RALGPS1: variants seen among roughly 807,000 people sequenced by gnomAD.
RALGPS1 encodes the protein Ral GEF with PH domain and SH3 binding motif 1.
Under a neutral mutation model 78.8 loss-of-function variants are expected in RALGPS1, and 19 were observed. The observed-to-expected ratio is 0.24, with a 90% CI of 0.17 to 0.35. The LOEUF is 0.35. RALGPS1 is among the 10% of genes least tolerant of loss of function. RALGPS1 has a pLI of 1.00. For missense variants in RALGPS1, 454 were observed against 688.3 expected, an observed-to-expected ratio of 0.66 and a Z score of 3.81; for synonymous variants, 228 against 256.3, an observed-to-expected ratio of 0.89 and a Z score of 1.06.
At chr9:126,928,954 G>A (rs2035558230) in intron 1 of RALGPS1, among the ~76,000 whole-genome samples, 1 of 151,968 alleles carries the variant, frequency 6.6e-6, no homozygotes. Context: ...AACCTCTTTG[G>A]GCCTCAGTTT....
At chr9:126,917,355 G>A (rs1211525690) in intron 1 of RALGPS1, among the ~76,000 whole-genome samples, 12 of 152,216 alleles carry the variant, frequency 7.9e-5, no homozygotes, top group Admixed American at 7.9e-4. Flanking sequence ...TAGAACATGT[G>A]TTGAATAATG....
At chr9:127,028,465 G>A (rs2046145936) in intron 4 of RALGPS1, among the ~76,000 whole-genome samples, 1 of 152,264 alleles carries the variant, frequency 6.6e-6, no homozygotes, top group Non-Finnish European at 1.5e-5. Context: ...GGAGTGTGTA[G>A]CACAGTTCCT....
intron 8 of RALGPS1, among the ~76,000 whole-genome samples, chr9:127,129,442 G>C (rs1204295847): frequency 2.0e-5 from 3 of 147,882 alleles, no homozygotes; most frequent in Non-Finnish European, 4.4e-5. Flanking sequence ...TATAGTCAGT[G>C]GGGGGGGATT....
chr9:127,024,786 G>T (rs971722695), intron 4 of RALGPS1, among the ~76,000 whole-genome samples: 4 of 152,068 alleles, frequency 2.6e-5, no homozygotes, highest in African/African-American at 9.7e-5. Context: ...TTCCCCAGAG[G>T]CTTCCCTTCA....
At chr9:127,086,179 ATCTC>A (rs1168540459) in intron 8 of RALGPS1, among the ~76,000 whole-genome samples, 2 of 152,180 alleles carry the variant, frequency 1.3e-5, no homozygotes, top group East Asian at 1.9e-4. Context: ...GTATCAGTGC[ATCTC>A]TCTCTAACTG....
chr9:126,967,799 A>G lies in RALGPS1; in HGVS notation c.165+1848A>G, dbSNP rs566448433. ...GTGATCCTTCCACCTCAGCCTCCCA[A>G]AGTGCTGGGATTGCAGGTGTGAGTC... On this transcript the variant is annotated intron_variant, in intron 3 of 18. Transcript: ENST00000259351. Among the ~76,000 whole-genome samples the G allele has an allele frequency of 9.2e-5, 14 of 152,138 alleles. No individual in the cohort carries two copies. In the East Asian group the frequency reaches 2.5e-3, roughly 27 times the overall value.
Position 127,218,683 on chromosome 9 carries a change from CCCCTTGT to C in RALGPS1, c.1645-54_1645-48del, listed in dbSNP as rs1564817768. 3 of 1,569,590 alleles carry C rather than the reference CCCCTTGT, an allele frequency of 1.9e-6. No homozygotes were observed. In the African/African-American group the frequency reaches 4.1e-5, roughly 21 times the overall value. ...CTGTCCCTTCCCCTAGGGACCACCA[CCCCTTGT>C]CCTTCTCTGAGGTCGGAACTTTAAC... is the stretch of plus-strand genomic sequence containing the variant. On this transcript the variant is annotated intron_variant, in intron 18 of 18. Coordinates refer to ENST00000259351, the MANE Select transcript of RALGPS1 (RefSeq NM_014636.3). This position sits in a 1 kb window ranked among gnomAD's most constrained non-coding sequence, Gnocchi z 4.4.
Position 127,200,650 on chromosome 9 carries a change from C to T in RALGPS1, c.1247+1584C>T, listed in dbSNP as rs149200368. On this transcript the variant is annotated intron_variant, in intron 14 of 18. Coordinates refer to ENST00000259351, the MANE Select transcript of RALGPS1 (RefSeq NM_014636.3). The stretch of plus-strand genomic sequence containing the variant: ...TCAGAGGCTCTCTCTTTCCCCTCCC[C>T]GGCCATCTGGGTTGCTCAGGCAAAT... Among the ~76,000 whole-genome samples, 385 of 152,364 alleles carry T rather than the reference C, an allele frequency of 2.5e-3. 1 individual carries two copies. The highest frequency in any genetic ancestry group is 3.9e-3 in the Non-Finnish European group (267 of 68,036).
At chr9:127,164,571 G>T (rs1305997590) in intron 8 of RALGPS1, among the ~76,000 whole-genome samples, 3 of 98,958 alleles carry the variant, frequency 3.0e-5, no homozygotes, top group African/African-American at 4.0e-5. Context: ...ACAGAGTCTT[G>T]CTCTGTCACC....
intron 7 of RALGPS1, among the ~76,000 whole-genome samples, chr9:127,056,648 T>C (rs1390743597): frequency 2.0e-5 from 3 of 152,300 alleles, no homozygotes; most frequent in East Asian, 3.9e-4. Flanking sequence ...GATGCACCTG[T>C]CTGGTAACAG....
chr9:127,136,661 C>G lies in RALGPS1; in HGVS notation c.611-29408C>G, dbSNP rs539170947. On this transcript the variant is annotated intron_variant, in intron 8 of 18. Transcript: ENST00000259351. ...AGTCCTGAGCTCAGCCCTGGCCCCC[C>G]CAGAGGCATTCCACACTTGCAAGCT... Among the ~76,000 whole-genome samples the G allele has an allele frequency of 1.4e-4, 22 of 152,294 alleles. No homozygotes were observed. In the South Asian group the frequency reaches 1.9e-3, roughly 13 times the overall value.
At chr9:127,041,380 G>A (rs1016393327) in intron 5 of RALGPS1, among the ~76,000 whole-genome samples, 2 of 152,000 alleles carry the variant, frequency 1.3e-5, no homozygotes, top group South Asian at 2.1e-4. Context: ...CTGAGCCACC[G>A]CACTCGGCTA....
intron 3 of RALGPS1, among the ~76,000 whole-genome samples, chr9:126,971,364 A>AT (rs2040099582): frequency 6.9e-6 from 1 of 144,800 alleles, no homozygotes; most frequent in Admixed American, 6.8e-5. Flanking sequence ...TACTAAAGAC[A>AT]TATTTTTTTT....
intron 3 of RALGPS1, among the ~76,000 whole-genome samples, chr9:126,968,445 C>T (rs980814588): frequency 6.6e-6 from 1 of 152,202 alleles, no homozygotes; most frequent in Non-Finnish European, 1.5e-5. Context: ...ACTCTCATCT[C>T]CTAATTACCC....
intron 4 of RALGPS1, among the ~76,000 whole-genome samples, chr9:126,980,898 G>A (rs964182561): frequency 1.3e-5 from 2 of 152,162 alleles, no homozygotes; most frequent in Non-Finnish European, 2.9e-5. Flanking sequence ...CATTGTGTAA[G>A]CAATATAGTT....
rs565674957 is a variant in RALGPS1, at chr9:127,092,226, A to T, written c.610+22870A>T. ...TTCCCCACAGGCTTGCTGCAGGAAC[A>T]CGTGTGCTGTGGCAGGTGGAGGGCC... On this transcript the variant is annotated intron_variant, in intron 8 of 18. Coordinates refer to ENST00000259351, the MANE Select transcript of RALGPS1 (RefSeq NM_014636.3). Among the ~76,000 whole-genome samples the T allele has an allele frequency of 3.9e-5, 6 of 152,328 alleles. 1 individual carries two copies. In the South Asian group the frequency reaches 1.2e-3, roughly 32 times the overall value.
At chr9:127,054,351 A>G (rs1432398939) in intron 7 of RALGPS1, among the ~76,000 whole-genome samples, 4 of 152,192 alleles carry the variant, frequency 2.6e-5, no homozygotes, top group Admixed American at 1.3e-4. Flanking sequence ...ACCCAGCAGG[A>G]TGATTTTTGA....
At chr9:127,084,862 G>A (rs980638939) in intron 8 of RALGPS1, among the ~76,000 whole-genome samples, 1 of 152,196 alleles carries the variant, frequency 6.6e-6, no homozygotes, top group Non-Finnish European at 1.5e-5. Flanking sequence ...GCGCCTTTTA[G>A]ACATGTTGTT....
intron 3 of RALGPS1, among the ~76,000 whole-genome samples, chr9:126,968,782 C>T (rs1454573612): frequency 6.6e-6 from 1 of 152,224 alleles, no homozygotes; most frequent in Admixed American, 6.5e-5. Flanking sequence ...GGCGCGGTGG[C>T]TCATGCCTAT....
Sources: allele counts gnomAD v4.1 joint callset (sites outside exome capture counted in the v4.1 genomes callset), GRCh38; gene constraint gnomAD v4.1.1; non-coding constraint Gnocchi (gnomAD v3.1); transcripts MANE v1.5; gene names NCBI Gene and HGNC (gene_info 2026-07-23, HGNC 2026-07-21).